TNNI3K: variants seen among roughly 807,000 people sequenced by gnomAD.
The protein encoded by TNNI3K is TNNI3 interacting kinase.
TNNI3K carries 140 observed loss-of-function variants against 114.5 expected under a neutral mutation model. The ratio of observed to expected loss-of-function variants is 1.22; its 90% CI spans 1.07 to 1.41. The LOEUF (loss-of-function observed/expected upper bound fraction) is 1.41. Among genes scored for constraint, TNNI3K ranks in the 40% most tolerant of loss-of-function variants. TNNI3K has a pLI of 0.00. For missense variants in TNNI3K, 1,125 were observed against 1,007.6 expected (o/e 1.12, Z -1.58); for synonymous variants, 347 against 347.5 (o/e 1.00, Z 0.02).
intron 23 of TNNI3K, among the ~76,000 whole-genome samples, chr1:74,517,817 T>C (rs1158557299): frequency 6.6e-6 from 1 of 152,170 alleles, no homozygotes; most frequent in Non-Finnish European, 1.5e-5. Flanking sequence ...GGAAGATTTT[T>C]TAAGGCAAAA....
chr1:74,401,014 T>C (rs1037021162), intron 17 of TNNI3K, among the ~76,000 whole-genome samples: 3 of 152,202 alleles, frequency 2.0e-5, no homozygotes, highest in African/African-American at 7.2e-5. Context: ...TATTGGAAAG[T>C]TTTAAAGTCT....
At chr1:74,404,028 A>G (rs1315292567) in intron 17 of TNNI3K, among the ~76,000 whole-genome samples, 1 of 152,094 alleles carries the variant, frequency 6.6e-6, no homozygotes, top group Admixed American at 6.6e-5. Flanking sequence ...TGCCCACCCC[A>G]ATGTCCTTTA....
chr1:74,536,856 T>G (rs1646666297), intron 23 of TNNI3K, among the ~76,000 whole-genome samples: 1 of 152,214 alleles, frequency 6.6e-6, no homozygotes, highest in Non-Finnish European at 1.5e-5. Context: ...GCTGCATCAC[T>G]GTATTTTCAC....
chr1:74,302,076 G>A (rs541099157), intron 5 of TNNI3K, among the ~76,000 whole-genome samples: 6 of 152,168 alleles, frequency 3.9e-5, no homozygotes, highest in South Asian at 2.1e-4. Flanking sequence ...CCAGTCTGTC[G>A]GCATCATATT....
At chr1:74,482,259 A>G (rs764208023) in intron 21 of TNNI3K, among the ~76,000 whole-genome samples, 9 of 152,166 alleles carry the variant, frequency 5.9e-5, no homozygotes, top group Non-Finnish European at 1.3e-4. Flanking sequence ...CTCACAATTC[A>G]TCCATTTTAT....
intron 23 of TNNI3K, among the ~76,000 whole-genome samples, chr1:74,498,557 A>G (rs770893980): frequency 1.4e-4 from 21 of 152,164 alleles, no homozygotes; most frequent in Admixed American, 8.5e-4. Flanking sequence ...TTTATAATAA[A>G]CTAGGAAAAT....
At chr1:74,432,062 GTGTA>G (rs1278564448) in intron 17 of TNNI3K, among the ~76,000 whole-genome samples, 2 of 151,716 alleles carry the variant, frequency 1.3e-5, no homozygotes, top group Non-Finnish European at 2.9e-5. Flanking sequence ...ATGCAAGTCT[GTGTA>G]TGTGTGTGTG....
In TNNI3K at chr1:74,475,116, C is replaced by CCACACACACACA. The variant is rs3058791; in HGVS notation, c.2121+11597_2121+11608dup. On this transcript the variant is annotated intron_variant, in intron 21 of 24. Transcript: ENST00000326637. ...AAGAACACTTCATCTCCACCTCAGC[C>CCACACACACACA]CACACACACACACACACACACACAC... Among the ~76,000 whole-genome samples, 462 of 135,978 alleles carry CCACACACACACA rather than the reference C, an allele frequency of 3.4e-3. 2 individuals carry two copies. Among genetic ancestry groups the CCACACACACACA allele is most frequent in the East Asian group, 0.02 (90 of 4,396 alleles). The allele number at this position is 135,978 out of a possible 152,430, so 89.2% of individuals were successfully genotyped here.
intron 4 of TNNI3K, among the ~76,000 whole-genome samples, chr1:74,259,773 AAAACAAAC>A (rs376373963): frequency 6.6e-6 from 1 of 152,116 alleles, no homozygotes; most frequent in Non-Finnish European, 1.5e-5. Flanking sequence ...CCCTGTCTCA[AAAACAAAC>A]AAACAAACAA....
At chr1:74,531,206 C>T (rs1646578429) in intron 23 of TNNI3K, among the ~76,000 whole-genome samples, 1 of 152,194 alleles carries the variant, frequency 6.6e-6, no homozygotes, top group African/African-American at 2.4e-5. Flanking sequence ...AATGCTTTGG[C>T]ACTTGCCCAT....
At chr1:74,262,178 G>A (rs559356909) in intron 4 of TNNI3K, among the ~76,000 whole-genome samples, 30 of 152,196 alleles carry the variant, frequency 2.0e-4, no homozygotes, top group Admixed American at 5.9e-4. Flanking sequence ...TTTAGACCAA[G>A]GTTCAACAGC....
At chr1:74,529,124 G>A (rs1646546836) in intron 23 of TNNI3K, among the ~76,000 whole-genome samples, 1 of 152,134 alleles carries the variant, frequency 6.6e-6, no homozygotes, top group African/African-American at 2.4e-5. Context: ...TGGCTGAGAT[G>A]CAGAATATTT....
intron 23 of TNNI3K, among the ~76,000 whole-genome samples, chr1:74,505,109 G>A (rs1669826587): frequency 6.6e-6 from 1 of 152,116 alleles, no homozygotes; most frequent in African/African-American, 2.4e-5. Flanking sequence ...ACAAAGGAGG[G>A]CCCGGGCCCA....
At chr1:74,425,020 G>T (rs1665567735) in intron 17 of TNNI3K, among the ~76,000 whole-genome samples, 1 of 152,114 alleles carries the variant, frequency 6.6e-6, no homozygotes, top group African/African-American at 2.4e-5. Context: ...AATTGGTGCA[G>T]GCTAGAATAT....
chr1:74,315,125 C>T, intron 5 of TNNI3K, among the ~76,000 whole-genome samples: 1 of 152,040 alleles, frequency 6.6e-6, no homozygotes, highest in East Asian at 1.9e-4. Flanking sequence ...ACAAGTTATT[C>T]ATGGACAGAA....
chr1:74,522,772 AT>A (rs1307491004), intron 23 of TNNI3K, among the ~76,000 whole-genome samples: 1 of 152,138 alleles, frequency 6.6e-6, no homozygotes, highest in Non-Finnish European at 1.5e-5. Flanking sequence ...AAACTGGTGT[AT>A]TTCTTAGGTT....
intron 5 of TNNI3K, among the ~76,000 whole-genome samples, chr1:74,281,334 A>ATGTGTGTGTGTGTG (rs149830701): frequency 0.03 from 4,385 of 147,994 alleles, 199 homozygotes; most frequent in African/African-American, 0.09. Flanking sequence ...ACAATAATAG[A>ATGTGTGTGTGTGTG]TGTGTGTGTG....
chr1:74,318,996 C>G (rs1401661022), intron 5 of TNNI3K, among the ~76,000 whole-genome samples: 1 of 152,188 alleles, frequency 6.6e-6, no homozygotes, highest in Non-Finnish European at 1.5e-5. Flanking sequence ...AAACATCACC[C>G]CAAAACTTTG....
chr1:74,264,169 T>G (rs956942219), intron 4 of TNNI3K, among the ~76,000 whole-genome samples: 1 of 151,716 alleles, frequency 6.6e-6, no homozygotes, highest in Admixed American at 6.6e-5. Flanking sequence ...TTTTTCTTTT[T>G]TTTTTTCCAA....
Sources: allele counts gnomAD v4.1 joint callset (sites outside exome capture counted in the v4.1 genomes callset), GRCh38; gene constraint gnomAD v4.1.1; transcripts MANE v1.5; gene names NCBI Gene and HGNC (gene_info 2026-07-23, HGNC 2026-07-21).